Variants in SNX29 observed in about 807,000 individuals in gnomAD.
SNX29 encodes the protein sorting nexin-29.
Under a neutral mutation model 102.1 loss-of-function variants are expected in SNX29, and 78 were observed. The ratio of observed to expected loss-of-function variants is 0.76; its 90% confidence interval spans 0.64 to 0.92. SNX29 has a LOEUF of 0.92. Ranked by LOEUF, SNX29 falls within the 40% of genes least tolerant of loss-of-function variation. SNX29 has a pLI of 0.00. For synonymous variants in SNX29, 580 were observed against 414.5 expected (o/e 1.40, Z -4.85); for missense variants, 1,280 against 1,061.7 (o/e 1.21, Z -2.86).
rs559333961 is a variant in SNX29, at chr16:12,371,087, G to C, written c.1899+14808G>C. On this transcript the variant is annotated intron_variant, in intron 16 of 20. Coordinates refer to ENST00000566228, the MANE Select transcript of SNX29 (RefSeq NM_032167.5). ...TTTTGTTGATCAGAGTTCAGATGGT[G>C]TTCTCCCAGATATTCGAAAATGGAG... 9.8e-5 allele frequency among the ~76,000 whole-genome samples: 15 copies of C among 152,338 alleles called. No homozygotes were observed. In the South Asian group the frequency reaches 3.1e-3, roughly 32 times the overall value.
chr16:12,173,319 G>T (rs1393772165), intron 13 of SNX29, among the ~76,000 whole-genome samples: 1 of 152,194 alleles, frequency 6.6e-6, no homozygotes, highest in Non-Finnish European at 1.5e-5. Flanking sequence ...TTCCCTACTG[G>T]CCACTTGACT....
At chr16:12,085,548 A>G (rs2052130585) in intron 11 of SNX29, among the ~76,000 whole-genome samples, 1 of 152,210 alleles carries the variant, frequency 6.6e-6, no homozygotes, top group African/African-American at 2.4e-5. Context: ...GCTGGTCTCA[A>G]ACTCCTGACT....
chr16:12,537,267 T>G (rs547622280), intron 20 of SNX29, among the ~76,000 whole-genome samples: 1 of 152,314 alleles, frequency 6.6e-6, no homozygotes, highest in South Asian at 2.1e-4. Flanking sequence ...TCTTTTCACC[T>G]CAGGAAACTG....
intron 19 of SNX29, among the ~76,000 whole-genome samples, chr16:12,486,324 C>T (rs1346296633): frequency 6.6e-6 from 1 of 152,230 alleles, no homozygotes; most frequent in Non-Finnish European, 1.5e-5. Flanking sequence ...TTCACCTCCT[C>T]TGCAGTGGCC....
rs112656444 is a variant in SNX29 at position 12,386,143 on chromosome 16, A to G, written c.1900-12303A>G. 3.4e-3 allele frequency among the ~76,000 whole-genome samples: 523 copies of G among 152,176 alleles called. 5 individuals carry two copies. The highest frequency in any genetic ancestry group is 0.012 in the African/African-American group (479 of 41,510). On this transcript the variant is annotated intron_variant, in intron 16 of 20. Coordinates refer to ENST00000566228, the MANE Select transcript of SNX29 (RefSeq NM_032167.5). ...TCACCCTCAGGCTCTCTGAGCCAGC[A>G]CCTCCTGATCCAGATCCATTTCTGA...
chr16:12,208,090 A>G (rs1412176383), intron 14 of SNX29, among the ~76,000 whole-genome samples: 1 of 152,218 alleles, frequency 6.6e-6, no homozygotes, highest in Admixed American at 6.5e-5. Context: ...TGGGGAAGCA[A>G]CATTCCATAC....
intron 1 of SNX29, among the ~76,000 whole-genome samples, chr16:11,992,421 A>G (rs2055890163): frequency 6.6e-6 from 1 of 152,154 alleles, no homozygotes; most frequent in South Asian, 2.1e-4. Flanking sequence ...TCTAGTTTCA[A>G]AACATTTTCA....
intron 20 of SNX29, among the ~76,000 whole-genome samples, chr16:12,538,158 C>T (rs184321766): frequency 6.6e-6 from 1 of 152,136 alleles, no homozygotes; most frequent in Non-Finnish European, 1.5e-5. Context: ...CTCTGTCACC[C>T]AGAATAGAGT....
At chr16:12,533,772 G>T (rs115843978) in intron 20 of SNX29, among the ~76,000 whole-genome samples, 1 of 152,116 alleles carries the variant, frequency 6.6e-6, no homozygotes, top group Non-Finnish European at 1.5e-5. Flanking sequence ...TTGTCAGCAG[G>T]GAGTGGTGTG....
chr16:12,241,996 C>G (rs1159630941), intron 14 of SNX29, among the ~76,000 whole-genome samples: 3 of 152,140 alleles, frequency 2.0e-5, no homozygotes, highest in Non-Finnish European at 2.9e-5. Context: ...GAACCCATAG[C>G]TGGCCAAGGA....
Position 12,573,948 on chromosome 16 carries a change from G to C in SNX29, c.*5319G>C. Reference sequence around the variant, plus strand: ...TAGAGAAGCGAGTCTTTTTTGAATGGAGGAGCGATGGTAACCCCACTAGGG... The same window carrying C: ...TAGAGAAGCGAGTCTTTTTTGAATGCAGGAGCGATGGTAACCCCACTAGGG... On this transcript the variant is annotated 3_prime_UTR_variant, in exon 21 of 21. Transcript: ENST00000566228. 1 of 199,696 alleles carries C rather than the reference G, an allele frequency of 5.0e-6. No individual in the cohort carries two copies. Among genetic ancestry groups the C allele is most frequent in the Non-Finnish European group, 1.0e-5 (1 of 96,600 alleles). The allele number at this position is 199,696 out of a possible 1,614,324, so 12.4% of individuals were successfully genotyped here. A position where few individuals can be genotyped will look rare whatever the true frequency, so the allele number is the denominator to read the frequency against.
intron 18 of SNX29, among the ~76,000 whole-genome samples, chr16:12,419,789 C>T (rs1278223496): frequency 2.6e-5 from 4 of 152,214 alleles, no homozygotes; most frequent in African/African-American, 9.6e-5. Flanking sequence ...TGTCTGCTGA[C>T]CCCAGTGCCT....
At chr16:12,195,249 A>G (rs1309717690) in intron 13 of SNX29, among the ~76,000 whole-genome samples, 2 of 152,200 alleles carry the variant, frequency 1.3e-5, no homozygotes, top group Non-Finnish European at 2.9e-5. Context: ...GCGTCCTATT[A>G]TAGGAGGATG....
At chr16:12,445,527 C>T (rs996193121) in intron 18 of SNX29, among the ~76,000 whole-genome samples, 4 of 152,164 alleles carry the variant, frequency 2.6e-5, no homozygotes, top group Middle Eastern at 3.2e-3. Context: ...TGCTCAATAC[C>T]TATGAAGTGA....
intron 18 of SNX29, among the ~76,000 whole-genome samples, chr16:12,411,612 T>G (rs889811): frequency 0.58 from 87,507 of 152,064 alleles, 25,519 homozygotes; most frequent in Non-Finnish European, 0.63. Context: ...TTGATCAAGG[T>G]TCTGCTATAT....
intron 11 of SNX29, among the ~76,000 whole-genome samples, chr16:12,093,230 C>G (rs545608943): frequency 7.4e-4 from 113 of 152,258 alleles, no homozygotes; most frequent in African/African-American, 2.7e-3. Flanking sequence ...TTTTGTAGGG[C>G]CCTGATGTCA....
At chr16:12,311,765 C>T (rs541061025) in intron 15 of SNX29, among the ~76,000 whole-genome samples, 3 of 152,248 alleles carry the variant, frequency 2.0e-5, no homozygotes, top group Non-Finnish European at 2.9e-5. Context: ...CATCTCTGTA[C>T]ATCTCTGCTG....
chr16:12,213,876 G>A (rs1409478547), intron 14 of SNX29, among the ~76,000 whole-genome samples: 1 of 152,168 alleles, frequency 6.6e-6, no homozygotes, highest in Admixed American at 6.5e-5. Flanking sequence ...AGGAAGGAGC[G>A]ATGAATACTG....
intron 20 of SNX29, among the ~76,000 whole-genome samples, chr16:12,563,066 G>T (rs66620351): frequency 6.6e-6 from 1 of 151,764 alleles, no homozygotes; most frequent in Non-Finnish European, 1.5e-5. Context: ...TGTAGGTACT[G>T]GAAGAGAAAT....
Sources: gnomAD v4.1 joint callset for allele counts (sites outside exome capture counted in the v4.1 genomes callset) on GRCh38, gnomAD v4.1.1 for gene constraint, MANE v1.5 for transcripts, NCBI Gene and HGNC (gene_info 2026-07-23, HGNC 2026-07-21) for gene names.